DNAH10: variants seen among roughly 807,000 people sequenced by gnomAD.
DNAH10 encodes dynein axonemal heavy chain 10, also known as axonemal beta dynein heavy chain 10.
Under a neutral mutation model 506.6 loss-of-function variants are expected in DNAH10, and 348 were observed. The ratio of observed to expected loss-of-function variants is 0.69; its 90% confidence interval spans 0.63 to 0.75. The LOEUF is 0.75. Among genes scored for constraint, DNAH10 ranks in the 30% least tolerant of loss-of-function variants. The pLI is 0.00. For missense variants in DNAH10, 5,179 were observed against 5,787.1 expected (o/e 0.89, Z 3.41); for synonymous variants, 2,059 against 2,198.6 (o/e 0.94, Z 1.78).
At chr12:123,918,616 C>T in intron 64 of DNAH10, 60 bp from the exon 65 acceptor site, 1 of 1,515,828 alleles carries the variant, frequency 6.6e-7, no homozygotes, top group Non-Finnish European at 8.8e-7. Flanking sequence ...CCCTGCCCCT[C>T]CTGCCCTCTG....
chr12:123,809,564 G>A (rs1322797801), intron 19 of DNAH10, among the ~76,000 whole-genome samples: 1 of 152,084 alleles, frequency 6.6e-6, no homozygotes, highest in Admixed American at 6.5e-5. Flanking sequence ...GCAGAGGATT[G>A]CTTGAGCCCA....
chr12:123,813,022 T>A (rs1037810871), intron 19 of DNAH10, 142 bp from the exon 20 acceptor site: 7 of 643,732 alleles, frequency 1.1e-5, no homozygotes, highest in African/African-American at 1.8e-5. Context: ...AGGATTATGG[T>A]AATTTTTGAA....
Position 123,903,275 on chromosome 12 carries a change from A to C in DNAH10, c.9815+162A>C, listed in dbSNP as rs1953615008. ...AGACTGTTGTTGCCCTCATTTTCGG[A>C]TGGGGAAAATGAGGCCCAGGGAGAT... On this transcript the variant is annotated intron_variant, in intron 57 of 78. Coordinates refer to ENST00000673944, the MANE Select transcript of DNAH10 (RefSeq NM_001372106.1). The surrounding 1 kb of genome is among the most constrained non-coding windows in gnomAD (Gnocchi z 4.6). Among the ~76,000 whole-genome samples, 2 of 151,980 alleles carry C rather than the reference A, an allele frequency of 1.3e-5. No individual in the cohort carries two copies. Among genetic ancestry groups the C allele is most frequent in the Admixed American group, 1.3e-4 (2 of 15,258 alleles).
Position 123,799,333 on chromosome 12 carries a change from G to T in DNAH10, c.2251G>T (p.Val751Leu). The T allele has an allele frequency of 1.2e-6, 2 of 1,612,630 alleles. No homozygotes were observed. The highest frequency in any genetic ancestry group is 2.2e-5 in the East Asian group (1 of 44,876). Residue 751 changes from valine to leucine, a missense_variant, in exon 14 of 79, where the codon GTG becomes TTG. Coordinates refer to ENST00000673944, the MANE Select transcript of DNAH10 (RefSeq NM_001372106.1). ...YEQWMEVTEQ[V>L]LPALMKKSLL... is the part of the protein sequence containing the mutation. The stretch of plus-strand genomic sequence containing the variant: ...GCAGTGGATGGAGGTGACGGAGCAG[G>T]TGCTGCCAGCTCTCATGAAGAAGAG...
At chr12:123,908,665 G>A in intron 57 of DNAH10, 1 of 423,092 alleles carries the variant, frequency 2.4e-6, no homozygotes, top group South Asian at 1.7e-5. Flanking sequence ...GTGGACATCT[G>A]CGTTCTGGAG....
intron 11 of DNAH10, among the ~76,000 whole-genome samples, chr12:123,792,642 G>A (rs2136229497): frequency 6.6e-6 from 1 of 152,012 alleles, no homozygotes. Context: ...GTGTTTTTTA[G>A]TAGAGACAGA....
chr12:123,805,990 G>A (rs1565926083), intron 18 of DNAH10, among the ~76,000 whole-genome samples: 3 of 151,960 alleles, frequency 2.0e-5, no homozygotes, highest in Admixed American at 2.0e-4. Context: ...GTTAGCCAGG[G>A]TGGTCTTGAT....
At chr12:123,867,407 A>G (rs1951853226) in intron 41 of DNAH10, 60 bp from the exon 42 acceptor site, 1 of 1,552,162 alleles carries the variant, frequency 6.4e-7, no homozygotes, top group African/African-American at 1.4e-5. Context: ...AAAGCTTTCC[A>G]CTAACTTCCA....
rs1191108837 is a variant in DNAH10, at chr12:123,792,381, A to C, written c.1816-1561A>C. ...CTTAAACATATCAGTGCCATTATTT[A>C]CCTAGAGGCCTTCCTCCCAGAGCTC... On this transcript the variant is annotated intron_variant, in intron 11 of 78. Transcript: ENST00000673944. 2.0e-5 allele frequency among the ~76,000 whole-genome samples: 3 copies of C among 151,754 alleles called. No individual in the cohort carries two copies. The East Asian group carries it at 5.8e-4, about 29-fold the overall frequency.
Position 123,814,857 on chromosome 12 carries a change from T to C in DNAH10, c.3780+945T>C, listed in dbSNP as rs182445082. Among the ~76,000 whole-genome samples, 740 of 152,244 alleles carry C rather than the reference T, an allele frequency of 4.9e-3. 3 individuals carry two copies. Among genetic ancestry groups the C allele is most frequent in the African/African-American group, 0.017 (691 of 41,550 alleles). On this transcript the variant is annotated intron_variant, in intron 21 of 78. Coordinates refer to ENST00000673944, the MANE Select transcript of DNAH10 (RefSeq NM_001372106.1). ...TGGTCTCGATCTCCTGACCTTGTGA[T>C]CCACCCACCTTGGCCTCCCAAAGTG...
intron 1 of DNAH10, among the ~76,000 whole-genome samples, chr12:123,765,229 A>G (rs569648762): frequency 6.6e-6 from 1 of 152,218 alleles, no homozygotes; most frequent in African/African-American, 2.4e-5. Flanking sequence ...ATACTGATGC[A>G]GTAGGTACAT....
rs569895342 is a variant in DNAH10 at position 123,846,287 on chromosome 12, C to T, written c.5814+133C>T. The stretch of plus-strand genomic sequence containing the variant: ...TGCTTTGAAATCTCGAAAAGCTTTT[C>T]CATTTGGGATGTGACCAGATTGTCA... On this transcript the variant is annotated intron_variant, in intron 32 of 78. Coordinates refer to ENST00000673944, the MANE Select transcript of DNAH10 (RefSeq NM_001372106.1). This position sits in a 1 kb window ranked among gnomAD's most constrained non-coding sequence, Gnocchi z 4.5. The T allele has an allele frequency of 8.1e-7, 1 of 1,229,574 alleles. No individual in the cohort carries two copies. The highest frequency in any genetic ancestry group is 2.6e-5 in the East Asian group (1 of 38,916). The allele number at this position is 1,229,574 out of a possible 1,614,324, so 76.2% of individuals were successfully genotyped here.
At chr12:123,851,183 G>T in intron 35 of DNAH10, 107 bp downstream of exon 35, 1 of 1,219,558 alleles carries the variant, frequency 8.2e-7, no homozygotes. Flanking sequence ...TTCCAGACGG[G>T]ACCTAGGATG....
chr12:123,796,900 T>A (rs1958298063), intron 13 of DNAH10, 68 bp downstream of exon 13: 3 of 1,415,232 alleles, frequency 2.1e-6, no homozygotes, highest in Non-Finnish European at 1.9e-6. Flanking sequence ...AGATGGAGTC[T>A]CGCTCTGTCG....
At chr12:123,789,418 C>G (rs964276115) in intron 10 of DNAH10, among the ~76,000 whole-genome samples, 4 of 151,722 alleles carry the variant, frequency 2.6e-5, no homozygotes, top group Middle Eastern at 3.2e-3. Flanking sequence ...GAGTCTCGCT[C>G]TGTCACCCAG....
intron 1 of DNAH10, 48 bp from the exon 2 acceptor site, chr12:123,767,558 G>A: frequency 6.4e-7 from 1 of 1,556,226 alleles, no homozygotes; most frequent in Non-Finnish European, 8.8e-7. Context: ...GTTTCATGCA[G>A]TGAACAATTA....
At position 123,919,613 on chromosome 12, in the gene DNAH10, C is replaced by A. The variant is rs1954638877; in HGVS notation, c.11506+664C>A. On this transcript the variant is annotated intron_variant, in intron 65 of 78. Coordinates refer to ENST00000673944, the MANE Select transcript of DNAH10 (RefSeq NM_001372106.1). This position sits in a 1 kb window ranked among gnomAD's most constrained non-coding sequence, Gnocchi z 4.9. ...GAAATCCCATACCCATTAGCAGTCA[C>A]CCCCTGGCCCCCCACTCCTAGTCCC... Among the ~76,000 whole-genome samples, 1 of 152,170 alleles carries A rather than the reference C, an allele frequency of 6.6e-6. No individual in the cohort carries two copies. The highest frequency in any genetic ancestry group is 1.5e-5 in the Non-Finnish European group (1 of 68,036).
chr12:123,849,347 T>C (rs2136699968), intron 34 of DNAH10, among the ~76,000 whole-genome samples: 1 of 152,354 alleles, frequency 6.6e-6, no homozygotes. Context: ...GGCAGAATTT[T>C]AAAACAATTG....
In DNAH10 at chr12:123,889,165, C is replaced by T. The variant is rs149122551; in HGVS notation, c.8995+1852C>T. 1.6e-4 allele frequency among the ~76,000 whole-genome samples: 24 copies of T among 152,306 alleles called. No individual in the cohort carries two copies. In the East Asian group the frequency reaches 3.7e-3, roughly 23 times the overall value. On this transcript the variant is annotated intron_variant, in intron 52 of 78. Transcript: ENST00000673944. ...ACAGCTTTCCCTCCCTCCCTGCTTC[C>T]GCCCTTCTCGTTTTTAGATGCGTTT...
Sources: gnomAD v4.1 joint callset for allele counts (sites outside exome capture counted in the v4.1 genomes callset) on GRCh38, gnomAD v4.1.1 for gene constraint, Gnocchi (gnomAD v3.1) non-coding constraint, MANE v1.5 for transcripts, NCBI Gene and HGNC (gene_info 2026-07-23, HGNC 2026-07-21) for gene names.